SHISA9: variants seen among roughly 807,000 people sequenced by gnomAD.
SHISA9 encodes protein shisa-9.
A neutral mutation model predicts 38.0 loss-of-function variants in SHISA9; 13 were observed. The ratio of observed to expected loss-of-function variants is 0.34; its 90% CI spans 0.22 to 0.54. The LOEUF (loss-of-function observed/expected upper bound fraction) is 0.54, where lower values mean the gene tolerates loss of function less well. Ranked by LOEUF, SHISA9 falls within the 20% of genes least tolerant of loss-of-function variation. The pLI is 0.91. For synonymous variants in SHISA9, 275 were observed against 242.0 expected (o/e 1.14, Z -1.27); for missense variants, 538 against 575.8 (o/e 0.93, Z 0.67).
chr16:13,211,267 C>T (rs947709433), intron 3 of SHISA9, among the ~76,000 whole-genome samples: 3 of 151,324 alleles, frequency 2.0e-5, no homozygotes, highest in Admixed American at 2.0e-4. Flanking sequence ...GATTGTGCCA[C>T]TGCACTCCAG....
chr16:13,479,915 C>A, the SHISA9 span, among the ~76,000 whole-genome samples: 1 of 152,196 alleles, frequency 6.6e-6, no homozygotes, highest in African/African-American at 2.4e-5. Flanking sequence ...GATAGAATAG[C>A]GTCTGTTAAG....
At chr16:13,190,571 T>C (rs2050874903) in intron 2 of SHISA9, among the ~76,000 whole-genome samples, 1 of 152,212 alleles carries the variant, frequency 6.6e-6, no homozygotes. Context: ...CCCTCTCTTG[T>C]GCTTGCGCGG....
chr16:13,021,434 A>G (rs2072852666), intron 2 of SHISA9, among the ~76,000 whole-genome samples: 1 of 152,164 alleles, frequency 6.6e-6, no homozygotes, highest in Admixed American at 6.5e-5. Context: ...ATGGAAGCCG[A>G]AGAGTCTCCC....
intron 2 of SHISA9, among the ~76,000 whole-genome samples, chr16:12,932,299 T>A (rs1177267759): frequency 1.3e-5 from 2 of 152,202 alleles, no homozygotes; most frequent in African/African-American, 4.8e-5. Flanking sequence ...AAATATATCT[T>A]ATTTAATTTA....
chr16:13,290,172 T>C, the SHISA9 span, among the ~76,000 whole-genome samples: 1 of 152,212 alleles, frequency 6.6e-6, no homozygotes, highest in South Asian at 2.1e-4. Context: ...TGATCTAATC[T>C]TTATTTCTAT....
the SHISA9 span, among the ~76,000 whole-genome samples, chr16:13,505,663 T>C: frequency 6.6e-6 from 1 of 152,234 alleles, no homozygotes; most frequent in South Asian, 2.1e-4. Context: ...TTTTCTGAGG[T>C]TCTTCAGGGG....
intron 4 of SHISA9, among the ~76,000 whole-genome samples, chr16:13,218,850 T>C (rs553214273): frequency 2.9e-4 from 44 of 152,078 alleles, no homozygotes; most frequent in Non-Finnish European, 5.1e-4. Flanking sequence ...TCCATTGGAG[T>C]GCATGCATCC....
At chr16:13,260,007 C>CTCTTTTTTTTTTTTTTTTTTTTT in the SHISA9 span, among the ~76,000 whole-genome samples, 1 of 60,418 alleles carries the variant, frequency 1.7e-5, no homozygotes, top group Non-Finnish European at 2.9e-5. Context: ...TTCTTTCTTT[C>CTCTTTTTTTTTTTTTTTTTTTTT]TTTTTTTTTT....
intron 2 of SHISA9, among the ~76,000 whole-genome samples, chr16:13,073,154 C>G (rs2073538084): frequency 6.6e-6 from 1 of 151,786 alleles, no homozygotes; most frequent in Non-Finnish European, 1.5e-5. Context: ...CATCCAAGCT[C>G]ACACAGGTAG....
chr16:13,502,116 T>C, the SHISA9 span, among the ~76,000 whole-genome samples: 1 of 152,190 alleles, frequency 6.6e-6, no homozygotes, highest in Admixed American at 6.5e-5. Context: ...AAGGAATATA[T>C]TTTAAAATAC....
the SHISA9 span, among the ~76,000 whole-genome samples, chr16:13,398,274 A>G: frequency 6.6e-6 from 1 of 152,190 alleles, no homozygotes; most frequent in Admixed American, 6.5e-5. Flanking sequence ...GCCCTGGCCA[A>G]GGACCACACC....
the SHISA9 span, among the ~76,000 whole-genome samples, chr16:13,448,047 C>G: frequency 1.2e-4 from 18 of 152,298 alleles, no homozygotes; most frequent in African/African-American, 4.3e-4. Context: ...GTCACAGAAG[C>G]ATTACTTCCA....
chr16:13,051,811 C>T (rs1435691111), intron 2 of SHISA9, among the ~76,000 whole-genome samples: 1 of 151,738 alleles, frequency 6.6e-6, no homozygotes, highest in Non-Finnish European at 1.5e-5. Flanking sequence ...TATCACCAGG[C>T]TGGAGTGCAG....
the SHISA9 span, among the ~76,000 whole-genome samples, chr16:13,287,218 G>A: frequency 0.012 from 1,866 of 152,310 alleles, 27 homozygotes; most frequent in Non-Finnish European, 0.02. Context: ...AAGGCCTACA[G>A]GTTCATTGAT....
At chr16:13,231,680 T>C (rs1304396082) in intron 4 of SHISA9, among the ~76,000 whole-genome samples, 1 of 152,210 alleles carries the variant, frequency 6.6e-6, no homozygotes, top group East Asian at 1.9e-4. Flanking sequence ...AGCAAGTTAA[T>C]ATGTGGCTTC....
intron 2 of SHISA9, among the ~76,000 whole-genome samples, chr16:13,184,171 G>A (rs1315310676): frequency 1.3e-5 from 2 of 152,132 alleles, no homozygotes; most frequent in Non-Finnish European, 2.9e-5. Flanking sequence ...TTTGGGAAGA[G>A]GCAGGATGGT....
intron 2 of SHISA9, among the ~76,000 whole-genome samples, chr16:13,145,662 A>G (rs961466362): frequency 6.6e-5 from 10 of 152,342 alleles, no homozygotes; most frequent in Middle Eastern, 3.4e-3. Flanking sequence ...TTAAAGATGA[A>G]GTGTGGAGTA....
chr16:12,960,435 G>A (rs2071893684), intron 2 of SHISA9, among the ~76,000 whole-genome samples: 1 of 152,054 alleles, frequency 6.6e-6, no homozygotes, highest in Non-Finnish European at 1.5e-5. Context: ...CAAAGGAATA[G>A]AAATCACCCT....
intron 4 of SHISA9, among the ~76,000 whole-genome samples, chr16:13,234,610 C>T (rs183498558): frequency 5.9e-5 from 9 of 152,250 alleles, no homozygotes; most frequent in African/African-American, 1.7e-4. Context: ...AAGTTGTTAT[C>T]GGCTGTCTTG....
Sources: gnomAD v4.1 joint callset for allele counts (sites outside exome capture counted in the v4.1 genomes callset) on GRCh38, gnomAD v4.1.1 for gene constraint, MANE v1.5 for transcripts, NCBI Gene and HGNC (gene_info 2026-07-23, HGNC 2026-07-21) for gene names.